Variants in HJURP observed in about 807,000 individuals in gnomAD.
The protein encoded by HJURP is Holliday junction recognition protein.
HJURP carries 49 observed loss-of-function variants against 72.0 expected under a neutral mutation model. The ratio of observed to expected loss-of-function variants is 0.68; its 90% CI spans 0.54 to 0.86. The LOEUF (loss-of-function observed/expected upper bound fraction) is 0.86. HJURP is among the 40% of genes least tolerant of loss of function. The pLI, the probability that HJURP is intolerant of heterozygous loss-of-function variation, is 0.00. For missense variants in HJURP, 908 were observed against 936.3 expected (o/e 0.97, Z 0.39); for synonymous variants, 357 against 347.1 (o/e 1.03, Z -0.32).
rs1705215553 is a variant in HJURP, at chr2:233,841,110, G to A, written c.1670C>T (p.Ser557Leu). 1 of 1,614,156 alleles carries A rather than the reference G, an allele frequency of 6.2e-7. No homozygotes were observed. The highest frequency in any genetic ancestry group is 8.5e-7 in the Non-Finnish European group (1 of 1,180,026). ...NSSGIFRKSV[S>L]PSKTLSVPDK... ...TGGGACTGAAAGAGTTTTGCTGGGT[G>A]ACACTGACTTTCTAAATATTCCAGA... Residue 557 changes from serine (S) to leucine (L), a missense_variant, in exon 8 of 9, where the codon TCA (serine) becomes TTA (leucine). By Grantham distance (145) the Ser-to-Leu change is moderately radical. Coordinates refer to ENST00000411486, the MANE Select transcript of HJURP (RefSeq NM_018410.5).
rs1705073962 is a variant in HJURP, at chr2:233,836,760, G to A, written c.*817C>T. On this transcript the variant is annotated 3_prime_UTR_variant, in exon 9 of 9. Transcript: ENST00000411486. ...TTTCACCAATGTATTCTGAATATGT[G>A]AAATATTTCATTACAAAAACGTCAC... The A allele has an allele frequency of 6.6e-6, 1 of 151,884 alleles. No individual in the cohort carries two copies. The highest frequency in any genetic ancestry group is 1.5e-5 in the Non-Finnish European group (1 of 68,002). The allele number at this position is 151,884 out of a possible 1,614,324, so 9.4% of individuals were successfully genotyped here. A position where few individuals can be genotyped will look rare whatever the true frequency, so the allele number is the denominator to read the frequency against.
In HJURP at chr2:233,837,605, A is replaced by C; in HGVS notation, c.2219T>G (p.Leu740Arg). 1 of 1,611,432 alleles carries C rather than the reference A, an allele frequency of 6.2e-7. No individual in the cohort carries two copies. ...CACACTTTTAGTTTCCAATTTTTCTAGCATGAAATCACTTTTCTCTTCCAT... is the reference window on the plus strand; with the variant it reads ...CACACTTTTAGTTTCCAATTTTTCTCGCATGAAATCACTTTTCTCTTCCAT... ...YRMEEKSDFM[L>R]EKLETKSV The change falls in exon 9 of 9, where the codon CTA (leucine) becomes CGA (arginine). Residue 740 changes from leucine to arginine, a missense_variant. Leu to Arg is a moderately radical substitution (Grantham distance 102, BLOSUM62 -2). Transcript: ENST00000411486.
Position 233,841,114 on chromosome 2 carries a change from C to A in HJURP, c.1666G>T (p.Val556Leu). 6.2e-7 allele frequency: 1 copy of A among 1,614,144 alleles called. No individual in the cohort carries two copies. The highest frequency in any genetic ancestry group is 8.5e-7 in the Non-Finnish European group (1 of 1,180,020). The change falls in exon 8 of 9, where the codon GTG becomes TTG. Residue 556 changes from valine (V) to leucine (L), a missense_variant. Transcript: ENST00000411486. The part of the protein sequence containing the change: ...GNSSGIFRKS[V>L]SPSKTLSVPD... ...ACTGAAAGAGTTTTGCTGGGTGACA[C>A]TGACTTTCTAAATATTCCAGAACTA...
chr2:233,853,119 G>A (rs1234966062), intron 2 of HJURP, among the ~76,000 whole-genome samples: 1 of 152,192 alleles, frequency 6.6e-6, no homozygotes, highest in African/African-American at 2.4e-5. Flanking sequence ...GGCTATAAAG[G>A]CAGAAAGGTA....
chr2:233,853,932 C>T (rs1285059533), intron 1 of HJURP, 22 bp from the exon 2 acceptor site: 1 of 1,611,766 alleles, frequency 6.2e-7, no homozygotes, highest in South Asian at 1.1e-5. Context: ...GAAGGGGCTT[C>T]CTGTCAGGTT....
Position 233,841,158 on chromosome 2 carries a change from T to C in HJURP, c.1622A>G (p.Asp541Gly). ...HSATRPQQTSDLHVQGNSSGI... is the reference protein window; with the variant it reads ...HSATRPQQTSGLHVQGNSSGI... ...AGAACTATTTCCCTGAACGTGAAGG[T>C]CAGATGTCTGCTGCGGGCGAGTTGC... Residue 541 changes from aspartate to glycine, a missense_variant, in exon 8 of 9, where the codon GAC (aspartate) becomes GGC (glycine). Asp to Gly is a moderately conservative substitution (Grantham distance 94, BLOSUM62 -1). Coordinates refer to ENST00000411486, the MANE Select transcript of HJURP (RefSeq NM_018410.5). 6.2e-7 allele frequency: 1 copy of C among 1,614,158 alleles called. No homozygotes were observed. Among genetic ancestry groups the C allele is most frequent in the Non-Finnish European group, 8.5e-7 (1 of 1,180,032 alleles).
Position 233,841,974 on chromosome 2 carries a change from T to C in HJURP, c.806A>G (p.His269Arg). The change falls in exon 8 of 9, where the codon CAC becomes CGC. Residue 269 changes from histidine (H) to arginine (R), a missense_variant. His to Arg is a conservative substitution (Grantham distance 29). Around this residue, in one of 3 missense-constraint regions of HJURP, gnomAD observed 598 missense variants for 619.5 expected, o/e 0.97. Transcript: ENST00000411486. ...TISDLYAGMLHSMSRLLSTKP... is the reference protein window; with the variant it reads ...TISDLYAGMLRSMSRLLSTKP... ...TGTGCTCAACAGCCGGCTCATGGAG[T>C]GCAGCATCCCTGCGTACAGGTCACT... 1.2e-6 allele frequency: 2 copies of C among 1,614,108 alleles called. No individual in the cohort carries two copies. Among genetic ancestry groups the C allele is most frequent in the South Asian group, 1.1e-5 (1 of 91,072 alleles).
chr2:233,854,400 T>C lies in HJURP; in HGVS notation c.101A>G (p.Gln34Arg). Reference sequence around the variant, plus strand: ...GGGCCGCACCTTCTCTATCAGCCGCTGCATGCGCCTCTGGAAGCGGCGGCG... The same window carrying C: ...GGGCCGCACCTTCTCTATCAGCCGCCGCATGCGCCTCTGGAAGCGGCGGCG... Reference protein sequence around the residue: ...ASRRRFQRRMQRLIEKYNQPF... With the variant: ...ASRRRFQRRMRRLIEKYNQPF... The change falls in exon 1 of 9, where the codon CAG (glutamine) becomes CGG (arginine). Residue 34 changes from glutamine (Q) to arginine (R), a missense_variant. Physicochemically the swap from Gln to Arg is conservative, Grantham distance 43. Transcript: ENST00000411486. 6.2e-7 allele frequency: 1 copy of C among 1,601,518 alleles called. No individual in the cohort carries two copies. Among genetic ancestry groups the C allele is most frequent in the South Asian group, 1.1e-5 (1 of 89,434 alleles).
chr2:233,853,841 TACCCTG>T lies in HJURP; in HGVS notation c.181_184+2del. The stretch of plus-strand genomic sequence containing the variant: ...ATACTCAGAAGGTGGGGAAGACCCT[TACCCTG>T]TGGCGTCTCGTAGGTCAGCGTGGCC... On this transcript the variant is annotated splice_donor_variant and coding_sequence_variant, in exon 2 of 9. Transcript: ENST00000411486. LOFTEE classifies it high-confidence loss of function. 6.2e-7 allele frequency: 1 copy of T among 1,613,156 alleles called. No individual in the cohort carries two copies. Among genetic ancestry groups the T allele is most frequent in the Non-Finnish European group, 8.5e-7 (1 of 1,179,074 alleles).
At chr2:233,851,381 A>G (rs1480916969) in intron 3 of HJURP, among the ~76,000 whole-genome samples, 1 of 152,220 alleles carries the variant, frequency 6.6e-6, no homozygotes, top group Non-Finnish European at 1.5e-5. Flanking sequence ...ACTCATTTAC[A>G]TATTATTTTC....
Position 233,854,258 on chromosome 2 carries a change from C to T in HJURP, c.117+126G>A, listed in dbSNP as rs1358045804. The T allele has an allele frequency of 9.2e-6, 6 of 652,958 alleles. No homozygotes were observed. The Admixed American group carries it at 1.5e-4, about 16-fold the overall frequency. The allele number at this position is 652,958 out of a possible 1,614,324, so 40.4% of individuals were successfully genotyped here. ...CTCCACCTTCTCTCCGCATCCAAGC[C>T]CCAGTCCCGCTTCCCCAACCCCCGC... On this transcript the variant is annotated intron_variant, in intron 1 of 8. Transcript: ENST00000411486.
intron 8 of HJURP, among the ~76,000 whole-genome samples, chr2:233,839,548 A>G (rs1705165735): frequency 6.6e-6 from 1 of 152,188 alleles, no homozygotes; most frequent in African/African-American, 2.4e-5. Context: ...GCGGTCTGAG[A>G]GTGTGGTCTC....
rs533717035 is a variant in HJURP, at chr2:233,841,032, T to A, written c.1748A>T (p.Glu583Val). 1.7e-5 allele frequency: 28 copies of A among 1,614,116 alleles called. No individual in the cohort carries two copies. Among genetic ancestry groups the A allele is most frequent in the Non-Finnish European group, 2.4e-5 (28 of 1,180,058 alleles). Reference sequence around the variant, plus strand: ...ATACTTTTGATGAAGCTTGTCAAATTCTTCTTTAATTTCATCGTAACGATT... The same window carrying A: ...ATACTTTTGATGAAGCTTGTCAAATACTTCTTTAATTTCATCGTAACGATT... ...GRNRYDEIKE[E>V]FDKLHQKYCL... is the part of the protein sequence containing the mutation. The change falls in exon 8 of 9, where the codon GAA becomes GTA. Residue 583 changes from glutamate (E) to valine (V), a missense_variant. By Grantham distance (121) the Glu-to-Val change is moderately radical. Around this residue, in one of 3 missense-constraint regions of HJURP, gnomAD observed 598 missense variants for 619.5 expected, o/e 0.97. Coordinates refer to ENST00000411486, the MANE Select transcript of HJURP (RefSeq NM_018410.5).
chr2:233,853,708 G>C, intron 2 of HJURP, 136 bp downstream of exon 2: 2 of 668,240 alleles, frequency 3.0e-6, no homozygotes, highest in Non-Finnish European at 5.2e-6. Context: ...GTAATTTACA[G>C]GTTTAAGGGC....
intron 5 of HJURP, among the ~76,000 whole-genome samples, 175 bp downstream of exon 5, chr2:233,847,222 T>C (rs1421626560): frequency 1.3e-5 from 2 of 152,054 alleles, no homozygotes; most frequent in African/African-American, 4.8e-5. Flanking sequence ...GCCTTACCGC[T>C]GAAGGGAATC....
chr2:233,854,357 C>A, intron 1 of HJURP, 27 bp downstream of exon 1: 1 of 1,554,172 alleles, frequency 6.4e-7, no homozygotes, highest in Non-Finnish European at 8.8e-7. Flanking sequence ...CAGGCCTCCC[C>A]TCCCGGCGGA....
At chr2:233,845,019 GCCTCCTCA>G in intron 6 of HJURP, among the ~76,000 whole-genome samples, 1 of 151,552 alleles carries the variant, frequency 6.6e-6, no homozygotes, top group Non-Finnish European at 1.5e-5. Flanking sequence ...CCAAGGGTCA[GCCTCCTCA>G]CCTTGCAGCT....
rs187970206 is a variant in HJURP, at chr2:233,837,115, G to A, written c.*462C>T. On this transcript the variant is annotated 3_prime_UTR_variant, in exon 9 of 9. Coordinates refer to ENST00000411486, the MANE Select transcript of HJURP (RefSeq NM_018410.5). ...AGCCTGGTCAATATGGTGAAACCCC[G>A]TCTCTACTAAAACTACAAAAATTAG... The A allele has an allele frequency of 2.7e-3, 471 of 171,454 alleles. 6 individuals carry two copies. Among genetic ancestry groups the A allele is most frequent in the African/African-American group, 0.011 (446 of 41,642 alleles). 10.6% of individuals were successfully genotyped at this position (171,454 alleles called of 1,614,324 possible).
chr2:233,854,510 C>T lies in HJURP; in HGVS notation c.-10G>A. On this transcript the variant is annotated 5_prime_UTR_variant, in exon 1 of 9. Coordinates refer to ENST00000411486, the MANE Select transcript of HJURP (RefSeq NM_018410.5). ...GCAGCGTACCCAGCATCGGACCCAG[C>T]CAGTACCCAAGCGCCAACCCGGACT... 4 of 1,599,014 alleles carry T rather than the reference C, an allele frequency of 2.5e-6. No homozygotes were observed. Among genetic ancestry groups the T allele is most frequent in the Non-Finnish European group, 3.4e-6 (4 of 1,171,094 alleles).
Sources: allele counts gnomAD v4.1 joint callset (sites outside exome capture counted in the v4.1 genomes callset), GRCh38; gene constraint gnomAD v4.1.1; regional missense constraint gnomAD v4.1.1; transcripts MANE v1.5; gene names NCBI Gene and HGNC (gene_info 2026-07-23, HGNC 2026-07-21).